Variants in TMEM44 observed in about 807,000 individuals in gnomAD.
TMEM44 encodes the protein transmembrane protein 44.
In TMEM44, 43 loss-of-function variants were observed where a neutral mutation model predicts 47.8. That is an observed-to-expected ratio of 0.90 (90% confidence interval 0.70 to 1.16). TMEM44 has a LOEUF of 1.16. Ranked by LOEUF, TMEM44 falls within the 50% of genes most tolerant of loss-of-function variation. The pLI is 0.00. For missense variants in TMEM44, 568 were observed against 555.2 expected (o/e 1.02, Z -0.23); for synonymous variants, 277 against 238.8 (o/e 1.16, Z -1.48).
rs1715983585 is a variant in TMEM44, at chr3:194,617,106, T to A, written c.776A>T (p.Asp259Val). ...FLTSLGRAAL[D>V]LAIIFLSCVM... ...CAGGCCTGGGGTGGATACAGCGAGG[T>A]CCAGTGCCGCACGGCCGAGGGAGGT... Residue 259 changes from aspartate to valine, a missense_variant, in exon 6 of 10, where the codon GAC (aspartate) becomes GTC (valine). Transcript: ENST00000347147. 2 of 1,539,726 alleles carry A rather than the reference T, an allele frequency of 1.3e-6. No homozygotes were observed. The highest frequency in any genetic ancestry group is 1.8e-6 in the Non-Finnish European group (2 of 1,142,666).
At chr3:194,613,232 C>T (rs1010336326) in intron 7 of TMEM44, among the ~76,000 whole-genome samples, 1 of 151,908 alleles carries the variant, frequency 6.6e-6, no homozygotes, top group African/African-American at 2.4e-5. Context: ...GGCTGGAGTA[C>T]AGTGGCACGA....
At chr3:194,613,263 C>T (rs370534222) in intron 7 of TMEM44, among the ~76,000 whole-genome samples, 2 of 152,056 alleles carry the variant, frequency 1.3e-5, no homozygotes, top group East Asian at 3.9e-4. Flanking sequence ...CTGCAACCTC[C>T]GCCTCCTGGG....
At chr3:194,600,520 G>A (rs1232703373) in intron 9 of TMEM44, among the ~76,000 whole-genome samples, 1 of 151,998 alleles carries the variant, frequency 6.6e-6, no homozygotes, top group African/African-American at 2.4e-5. Context: ...AGGCTGAGGT[G>A]GGCAGGTCAC....
At chr3:194,620,289 CAAA>C (rs752649203) in intron 5 of TMEM44, among the ~76,000 whole-genome samples, 1 of 55,020 alleles carries the variant, frequency 1.8e-5, no homozygotes, top group African/African-American at 6.5e-5. Context: ...AACTCCGACT[CAAA>C]AAAAAAAAAA....
rs1712057896 is a variant in TMEM44 at position 194,587,971 on chromosome 3, A to G, written c.*558T>C. 6.5e-6 allele frequency: 1 copy of G among 152,674 alleles called. No individual in the cohort carries two copies. The highest frequency in any genetic ancestry group is 1.5e-5 in the Non-Finnish European group (1 of 68,418). The allele number at this position is 152,674 out of a possible 1,614,324, so 9.5% of individuals were successfully genotyped here. On this transcript the variant is annotated 3_prime_UTR_variant, in exon 10 of 10. Coordinates refer to ENST00000347147, the MANE Select transcript of TMEM44 (RefSeq NM_001011655.3). The stretch of plus-strand genomic sequence containing the variant: ...TTGCAGTGTCAGTGATCTCACAAGC[A>G]CTTGGTTGGCCACACAGTCCTATCG...
chr3:194,609,818 C>T (rs1022418909), intron 8 of TMEM44, among the ~76,000 whole-genome samples: 14 of 152,030 alleles, frequency 9.2e-5, no homozygotes, highest in African/African-American at 2.9e-4. Context: ...ACTGACTGCT[C>T]GGCTGCTACT....
chr3:194,617,566 C>T, intron 5 of TMEM44: 1 of 670,786 alleles, frequency 1.5e-6, no homozygotes, highest in Non-Finnish European at 2.7e-6. Context: ...CAGCGGAGTA[C>T]CTTTGATTGA....
At chr3:194,630,444 C>A (rs546627795) in intron 1 of TMEM44, among the ~76,000 whole-genome samples, 10 of 66,902 alleles carry the variant, frequency 1.5e-4, no homozygotes, top group Middle Eastern at 0.012. Context: ...TACTGCCTCC[C>A]GAAGGGGCTG....
At chr3:194,604,753 T>G (rs1378568968) in intron 8 of TMEM44, among the ~76,000 whole-genome samples, 1 of 152,228 alleles carries the variant, frequency 6.6e-6, no homozygotes, top group African/African-American at 2.4e-5. Context: ...CCTAACACTA[T>G]GCCTTAGAGA....
rs760320772 is a variant in TMEM44, at chr3:194,623,613, C to T, written c.441G>A (p.Pro147=). 33 of 1,612,548 alleles carry T rather than the reference C, an allele frequency of 2.0e-5. No individual in the cohort carries two copies. The highest frequency in any genetic ancestry group is 9.3e-5 in the African/African-American group (7 of 74,912). The change falls in exon 4 of 10, where the codon CCG becomes CCA. Residue 147 remains proline (P), a synonymous_variant. Coordinates refer to ENST00000347147, the MANE Select transcript of TMEM44 (RefSeq NM_001011655.3). ...GGACAGCAACCCACAGAGCCCAGCA[C>T]GGGCCCAGGCTCAGCGGCAGGGCCA... The part of the protein sequence containing the change: ...FALALPLSLG[P]CWALWVAVPK...
intron 5 of TMEM44, among the ~76,000 whole-genome samples, chr3:194,618,587 A>G (rs1716201824): frequency 1.3e-5 from 2 of 148,458 alleles, no homozygotes; most frequent in South Asian, 2.1e-4. Flanking sequence ...GTTTATATAT[A>G]TAATTCAGTT....
chr3:194,607,547 G>A (rs911456110), intron 8 of TMEM44, among the ~76,000 whole-genome samples: 2 of 152,118 alleles, frequency 1.3e-5, no homozygotes, highest in Non-Finnish European at 2.9e-5. Context: ...GCACAAACTC[G>A]GGTAGAGACA....
intron 5 of TMEM44, among the ~76,000 whole-genome samples, chr3:194,620,268 C>G (rs1014785007): frequency 2.2e-5 from 3 of 135,056 alleles, no homozygotes; most frequent in Non-Finnish European, 3.0e-5. Context: ...TCCAGCCTGG[C>G]TGACAAGTGA....
chr3:194,625,537 G>C (rs552590717), intron 3 of TMEM44, among the ~76,000 whole-genome samples: 1 of 152,190 alleles, frequency 6.6e-6, no homozygotes, highest in East Asian at 1.9e-4. Context: ...CTGGAATGCA[G>C]TGGTGCGATC....
rs1208615909 is a variant in TMEM44 at position 194,591,715 on chromosome 3, C to T, written c.1177-3076G>A. ...CTGCCTCCTGGGTTCAAGTGATTCT[C>T]CTGCCTTAGTATCCTGAGTAGCTGG... is the stretch of plus-strand genomic sequence containing the variant. On this transcript the variant is annotated intron_variant, in intron 9 of 9. Transcript: ENST00000347147. 2.6e-5 allele frequency among the ~76,000 whole-genome samples: 4 copies of T among 151,574 alleles called. No individual in the cohort carries two copies. The East Asian group carries it at 6.1e-4, about 23-fold the overall frequency.
At chr3:194,593,304 G>A (rs1009530763) in intron 9 of TMEM44, among the ~76,000 whole-genome samples, 3 of 152,084 alleles carry the variant, frequency 2.0e-5, no homozygotes, top group African/African-American at 7.2e-5. Flanking sequence ...ATGAAGGGCT[G>A]CACGTCCTGG....
intron 3 of TMEM44, 108 bp from the exon 4 acceptor site, chr3:194,623,803 G>T: frequency 7.0e-7 from 1 of 1,434,312 alleles, no homozygotes; most frequent in Non-Finnish European, 9.6e-7. Context: ...TGCTGAAGCG[G>T]GTTCCCACAT....
At position 194,625,995 on chromosome 3, in the gene TMEM44, G is replaced by A. The variant is rs1248804250; in HGVS notation, c.265-5C>T. The A allele has an allele frequency of 1.2e-6, 2 of 1,606,906 alleles. No individual in the cohort carries two copies. Among genetic ancestry groups the A allele is most frequent in the South Asian group, 1.1e-5 (1 of 90,914 alleles). On this transcript the variant is annotated splice_region_variant and splice_polypyrimidine_tract_variant and intron_variant, in intron 2 of 9. Transcript: ENST00000347147. ...TAGGTAGGCACCAGTGAAAACCTGG[G>A]AGCAAACGGGAAGAGAGTCTTGGCA... is the stretch of plus-strand genomic sequence containing the variant.
At chr3:194,597,331 TAAAGAA>T (rs1458097408) in intron 9 of TMEM44, 4 of 151,960 alleles carry the variant, frequency 2.6e-5, no homozygotes, top group Non-Finnish European at 2.9e-5. Context: ...TCCCAGGGGC[TAAAGAA>T]AAAGAAAGAA....
Sources: allele counts gnomAD v4.1 joint callset (sites outside exome capture counted in the v4.1 genomes callset), GRCh38; gene constraint gnomAD v4.1.1; transcripts MANE v1.5; gene names NCBI Gene and HGNC (gene_info 2026-07-23, HGNC 2026-07-21).